CYP4F2: variants seen among roughly 807,000 people sequenced by gnomAD.
CYP4F2 encodes the protein cytochrome P450 family 4 subfamily F member 2.
A neutral mutation model predicts 58.9 loss-of-function variants in CYP4F2; 58 were observed. The ratio of observed to expected loss-of-function variants is 0.98; its 90% CI spans 0.80 to 1.23. The LOEUF (loss-of-function observed/expected upper bound fraction) is 1.23, where lower values mean the gene tolerates loss of function less well. CYP4F2 is among the 50% of genes most tolerant of loss of function. The pLI is 0.00. For synonymous variants in CYP4F2, 287 were observed against 261.1 expected, an observed-to-expected ratio of 1.10 and a Z score of -0.95; for missense variants, 616 against 685.6, an observed-to-expected ratio of 0.90 and a Z score of 1.13.
At chr19:15,894,608 C>A (rs976306158) in intron 3 of CYP4F2, among the ~76,000 whole-genome samples, 2 of 152,206 alleles carry the variant, frequency 1.3e-5, no homozygotes, top group African/African-American at 4.8e-5. Context: ...GATTATCTTT[C>A]TTTGCTTAGA....
chr19:15,878,275 T>C lies in CYP4F2; in HGVS notation c.*496A>G, dbSNP rs1424791176. ...TTCACCATCCCGGGAGGAAACCCCA[T>C]ACTGATTAGCAGTCGCTCCTCAGTC... On this transcript the variant is annotated 3_prime_UTR_variant, in exon 13 of 13. Transcript: ENST00000221700. The C allele has an allele frequency of 1.3e-5, 2 of 154,694 alleles. No homozygotes were observed. The highest frequency in any genetic ancestry group is 2.0e-4 in the South Asian group (1 of 4,980). 9.6% of individuals were successfully genotyped at this position (154,694 alleles called of 1,614,324 possible).
chr19:15,879,076 C>A, intron 12 of CYP4F2, 140 bp from the exon 13 acceptor site: 1 of 1,384,714 alleles, frequency 7.2e-7, no homozygotes, highest in South Asian at 1.4e-5. Flanking sequence ...GCCTGGATCC[C>A]CATGCGGGCT....
intron 3 of CYP4F2, among the ~76,000 whole-genome samples, chr19:15,893,452 A>G (rs1312025625): frequency 2.0e-5 from 3 of 152,164 alleles, no homozygotes; most frequent in Non-Finnish European, 4.4e-5. Flanking sequence ...ACATGACCCC[A>G]GTTGGAATTA....
At chr19:15,888,782 A>G (rs1356460394) in intron 7 of CYP4F2, among the ~76,000 whole-genome samples, 1 of 152,262 alleles carries the variant, frequency 6.6e-6, no homozygotes, top group African/African-American at 2.4e-5. Flanking sequence ...TAGCATTGAC[A>G]TAGACATAGC....
chr19:15,897,448 G>A lies in CYP4F2; in HGVS notation c.164C>T (p.Pro55Leu), dbSNP rs1444158492. Residue 55 changes from proline to leucine, a missense_variant, in exon 2 of 13, where the codon CCA (proline) becomes CTA (leucine). Coordinates refer to ENST00000221700, the MANE Select transcript of CYP4F2 (RefSeq NM_001082.5). Reference protein sequence around the residue: ...CRRLRCFPQPPRRNWFWGHQG... With the variant: ...CRRLRCFPQPLRRNWFWGHQG... ...GTGTCCCCAAAACCAGTTCCGTCTT[G>A]GGGGTTGTGGGAAACACCGAAGGCG... 2.5e-6 allele frequency: 4 copies of A among 1,613,534 alleles called. No individual in the cohort carries two copies. The highest frequency in any genetic ancestry group is 2.5e-6 in the Non-Finnish European group (3 of 1,179,804).
intron 3 of CYP4F2, among the ~76,000 whole-genome samples, chr19:15,894,836 A>G (rs2089438750): frequency 6.6e-6 from 1 of 152,082 alleles, no homozygotes; most frequent in Non-Finnish European, 1.5e-5. Context: ...CCTCTTGGAG[A>G]TCCCCGGGAC....
Position 15,886,042 on chromosome 19 carries a change from T to C in CYP4F2, c.997A>G (p.Thr333Ala). The change falls in exon 9 of 13, where the codon ACG becomes GCG. Residue 333 changes from threonine to alanine, a missense_variant. Coordinates refer to ENST00000221700, the MANE Select transcript of CYP4F2 (RefSeq NM_001082.5). The part of the protein sequence containing the change: ...DTFMFEGHDT[T>A]ASGLSWVLYH... ...AGGACCCAGGAGAGACCACTGGCCG[T>C]GGTGTCATGGCCTGGGGGGCAGCAA... 1.2e-6 allele frequency: 2 copies of C among 1,613,704 alleles called. No individual in the cohort carries two copies. The highest frequency in any genetic ancestry group is 1.7e-6 in the Non-Finnish European group (2 of 1,179,848).
intron 3 of CYP4F2, chr19:15,893,931 G>C: frequency 4.0e-6 from 1 of 247,306 alleles, no homozygotes; most frequent in Non-Finnish European, 8.4e-6. Context: ...GGCTGTGAGA[G>C]AGAAGGATCT....
chr19:15,886,159 G>T, intron 8 of CYP4F2, 83 bp downstream of exon 8: 4 of 1,608,274 alleles, frequency 2.5e-6, no homozygotes, highest in Non-Finnish European at 3.4e-6. Flanking sequence ...AAGGGGGATG[G>T]GAAGGTTGTG....
intron 12 of CYP4F2, 117 bp downstream of exon 12, chr19:15,879,229 G>A (rs1698272717): frequency 1.4e-6 from 2 of 1,411,086 alleles, no homozygotes; most frequent in African/African-American, 1.4e-5. Flanking sequence ...TCCAGAGGAG[G>A]TGAGGGAAAG....
intron 7 of CYP4F2, among the ~76,000 whole-genome samples, chr19:15,888,224 A>G (rs1237616897): frequency 2.6e-5 from 4 of 152,248 alleles, no homozygotes; most frequent in African/African-American, 4.8e-5. Flanking sequence ...TCACAGACTT[A>G]GAAACACAGG....
chr19:15,891,308 G>A lies in CYP4F2; in HGVS notation c.526-875C>T, dbSNP rs902580739. ...CCACCTGTGTCAGCCCATGGGATTT[G>A]GGAAGCTTGGAGGGAAAAAAGGCAA... On this transcript the variant is annotated intron_variant, in intron 5 of 12. Coordinates refer to ENST00000221700, the MANE Select transcript of CYP4F2 (RefSeq NM_001082.5). 9.3e-4 allele frequency among the ~76,000 whole-genome samples: 141 copies of A among 152,230 alleles called. 1 individual carries two copies. Among genetic ancestry groups the A allele is most frequent in the Admixed American group, 9.2e-3 (141 of 15,286 alleles).
chr19:15,890,620 T>C (rs1354801332), intron 5 of CYP4F2, among the ~76,000 whole-genome samples, 187 bp from the exon 6 acceptor site: 16 of 152,186 alleles, frequency 1.1e-4, no homozygotes, highest in African/African-American at 3.9e-4. Context: ...AGACCCAAGA[T>C]TGGGAGTTAG....
chr19:15,885,944 A>T lies in CYP4F2; in HGVS notation c.1095T>A (p.Arg365=). ...CTCACCATTCAATCTCTTTAGGCTC[A>T]CGGTCCTTCAGAAGTTCTTGCACCT... The part of the protein sequence containing the change: ...RQEVQELLKD[R]EPKEIEWDDL... Residue 365 remains arginine (R), a synonymous_variant, in exon 9 of 13, where the codon CGT becomes CGA. Coordinates refer to ENST00000221700, the MANE Select transcript of CYP4F2 (RefSeq NM_001082.5). 3 of 1,613,938 alleles carry T rather than the reference A, an allele frequency of 1.9e-6. No homozygotes were observed. The highest frequency in any genetic ancestry group is 2.5e-6 in the Non-Finnish European group (3 of 1,179,902).
chr19:15,878,975 G>A lies in CYP4F2; in HGVS notation c.1398-39C>T, dbSNP rs1355686257. The stretch of plus-strand genomic sequence containing the variant: ...GTGGGAACTCTGACTGCACCCAGGA[G>A]CCCCATCCTGGCCCCATCAAGCCGG... On this transcript the variant is annotated intron_variant, in intron 12 of 12. Transcript: ENST00000221700. 9 of 1,605,076 alleles carry A rather than the reference G, an allele frequency of 5.6e-6. No individual in the cohort carries two copies. The East Asian group carries it at 1.8e-4, about 32-fold the overall frequency.
chr19:15,879,485 G>C, intron 11 of CYP4F2, 57 bp from the exon 12 acceptor site: 3 of 1,610,864 alleles, frequency 1.9e-6, no homozygotes, highest in Non-Finnish European at 2.5e-6. Context: ...GCCAGCCTTG[G>C]AGAGACAGAC....
At chr19:15,888,418 A>G (rs1568471973) in intron 7 of CYP4F2, among the ~76,000 whole-genome samples, 2 of 152,132 alleles carry the variant, frequency 1.3e-5, no homozygotes, top group Admixed American at 6.5e-5. Flanking sequence ...ACACATAAAC[A>G]TAGACATAGA....
chr19:15,894,639 A>G (rs1227797046), intron 3 of CYP4F2, among the ~76,000 whole-genome samples: 2 of 152,178 alleles, frequency 1.3e-5, no homozygotes, highest in Non-Finnish European at 2.9e-5. Context: ...TTGGGTTTCC[A>G]CCACTCACAA....
chr19:15,890,007 A>G (rs1480624537), intron 6 of CYP4F2, among the ~76,000 whole-genome samples: 2 of 152,136 alleles, frequency 1.3e-5, no homozygotes, highest in African/African-American at 2.4e-5. Flanking sequence ...CACAAAGCTC[A>G]GACTTTATCC....
Sources: gnomAD v4.1 joint callset for allele counts (sites outside exome capture counted in the v4.1 genomes callset) on GRCh38, gnomAD v4.1.1 for gene constraint, MANE v1.5 for transcripts, NCBI Gene and HGNC (gene_info 2026-07-23, HGNC 2026-07-21) for gene names.